Variants in UTRN observed in about 807,000 individuals in gnomAD.
The protein encoded by UTRN is dystrophin-related protein 1.
A neutral mutation model predicts 463.9 loss-of-function variants in UTRN; 283 were observed. The ratio of observed to expected loss-of-function variants is 0.61; its 90% CI spans 0.55 to 0.67. The LOEUF (loss-of-function observed/expected upper bound fraction) is 0.67, where lower values mean the gene tolerates loss of function less well. UTRN is among the 30% of genes least tolerant of loss of function. UTRN has a pLI of 0.00. For synonymous variants in UTRN, 1,442 were observed against 1,431.5 expected (o/e 1.01, Z -0.17); for missense variants, 3,922 against 4,084.3 (o/e 0.96, Z 1.08).
rs771919027 is a variant in UTRN, at chr6:144,493,363, A to G, written c.4500A>G (p.Arg1500=). ...LEVETVIKTG[R]HIVQKQQTDN... ...TGGAAACTGTGATTAAAACAGGAAG[A>G]CATATTGTCCAGAAACAGCAAACGG... is the stretch of plus-strand genomic sequence containing the variant. Residue 1500 remains arginine, a synonymous_variant, in exon 33 of 75, where the codon AGA becomes AGG. Transcript: ENST00000367545. The G allele has an allele frequency of 1.9e-6, 3 of 1,614,086 alleles. No individual in the cohort carries two copies. The highest frequency in any genetic ancestry group is 1.3e-5 in the African/African-American group (1 of 74,952).
intron 12 of UTRN, 133 bp from the exon 13 acceptor site, chr6:144,440,219 A>G (rs1787011375): frequency 1.2e-6 from 1 of 859,118 alleles, no homozygotes; most frequent in Non-Finnish European, 1.8e-6. Context: ...TTAGTAGAAC[A>G]GTTAGGGTAA....
intron 46 of UTRN, among the ~76,000 whole-genome samples, chr6:144,546,791 A>G (rs570698000): frequency 1.4e-4 from 21 of 152,198 alleles, no homozygotes; most frequent in African/African-American, 4.8e-4. Context: ...CCTGGGTGAC[A>G]GAGTGAGCCC....
chr6:144,426,663 C>T (rs954242326), intron 7 of UTRN, among the ~76,000 whole-genome samples: 1 of 152,130 alleles, frequency 6.6e-6, no homozygotes, highest in Non-Finnish European at 1.5e-5. Flanking sequence ...TTAAATGCTG[C>T]AATACAAGGT....
intron 2 of UTRN, among the ~76,000 whole-genome samples, chr6:144,299,949 C>T (rs1448461391): frequency 2.0e-5 from 3 of 151,888 alleles, no homozygotes; most frequent in African/African-American, 2.4e-5. Flanking sequence ...AAATAATTTG[C>T]CTACCATTCT....
chr6:144,496,760 C>T (rs1793685877), intron 33 of UTRN, among the ~76,000 whole-genome samples: 1 of 152,118 alleles, frequency 6.6e-6, no homozygotes, highest in Non-Finnish European at 1.5e-5. Context: ...GTACATGGTT[C>T]TTTAAGAGTA....
At chr6:144,709,192 C>T (rs1785403036) in intron 53 of UTRN, among the ~76,000 whole-genome samples, 1 of 152,132 alleles carries the variant, frequency 6.6e-6, no homozygotes, top group South Asian at 2.1e-4. Flanking sequence ...CCATTTATTT[C>T]CAATCTCTTC....
chr6:144,386,073 G>C (rs926606338), intron 2 of UTRN, among the ~76,000 whole-genome samples: 3 of 152,088 alleles, frequency 2.0e-5, no homozygotes, highest in African/African-American at 7.2e-5. Context: ...AAAGTGAGTG[G>C]CCTGTAAATG....
intron 2 of UTRN, among the ~76,000 whole-genome samples, chr6:144,383,097 A>T (rs111427451): frequency 6.7e-6 from 1 of 149,644 alleles, no homozygotes. Context: ...ACACCCAGCT[A>T]ATTTTTGTAC....
At position 144,426,385 on chromosome 6, in the gene UTRN, C is replaced by T. The variant is rs1465503216; in HGVS notation, c.504C>T (p.Ser168=). 5 of 1,614,182 alleles carry T rather than the reference C, an allele frequency of 3.1e-6. No individual in the cohort carries two copies. The highest frequency in any genetic ancestry group is 4.2e-6 in the Non-Finnish European group (5 of 1,180,022). The change falls in exon 7 of 75, where the codon AGC becomes AGT. Residue 168 remains serine (S), a synonymous_variant. Transcript: ENST00000367545. ...TGCGTCAGACCACCAGGCCCTACAG[C>T]CAAGTCAACGTCCTCAACTTCACCA... ...SWVRQTTRPY[S]QVNVLNFTTS...
intron 63 of UTRN, among the ~76,000 whole-genome samples, chr6:144,796,189 T>C (rs1481353710): frequency 1.3e-5 from 2 of 152,200 alleles, no homozygotes; most frequent in Non-Finnish European, 2.9e-5. Flanking sequence ...CCATTGCGTG[T>C]TTTTGTCAGG....
In UTRN at chr6:144,629,337, C is replaced by T. The variant is rs576615271; in HGVS notation, c.7480-49069C>T. Among the ~76,000 whole-genome samples the T allele has an allele frequency of 3.9e-5, 6 of 152,242 alleles. No homozygotes were observed. In the South Asian group the frequency reaches 1.0e-3, roughly 26 times the overall value. ...CACCGCCCTTGCAAGAGGCAGCCACCGATGCCAGTTTCTTGTGTGCTCTTC... is the reference window on the plus strand; with the variant it reads ...CACCGCCCTTGCAAGAGGCAGCCACTGATGCCAGTTTCTTGTGTGCTCTTC... On this transcript the variant is annotated intron_variant, in intron 51 of 74. Transcript: ENST00000367545.
intron 9 of UTRN, among the ~76,000 whole-genome samples, chr6:144,431,920 C>T (rs1178691932): frequency 6.6e-6 from 1 of 152,120 alleles, no homozygotes; most frequent in African/African-American, 2.4e-5. Flanking sequence ...ATTCTTCAAG[C>T]CTTCCTCCAA....
At chr6:144,557,409 C>A in intron 50 of UTRN, 98 bp downstream of exon 50, 6 of 1,253,696 alleles carry the variant, frequency 4.8e-6, no homozygotes, top group Non-Finnish European at 6.5e-6. Context: ...GTGGCTACTA[C>A]AAGTACATTT....
chr6:144,548,990 T>C (rs1003542980), intron 47 of UTRN, 136 bp downstream of exon 47: 4 of 835,858 alleles, frequency 4.8e-6, no homozygotes, highest in Non-Finnish European at 7.4e-6. Flanking sequence ...CAAACAACCA[T>C]TCAGGGCTAA....
intron 54 of UTRN, among the ~76,000 whole-genome samples, chr6:144,735,625 T>C (rs1322832846): frequency 6.6e-6 from 1 of 152,180 alleles, no homozygotes; most frequent in East Asian, 1.9e-4. Context: ...TCTCATCTTA[T>C]CCAATTTAAA....
At chr6:144,482,431 T>C (rs1427360948) in intron 27 of UTRN, 43 bp downstream of exon 27, 1 of 1,155,540 alleles carries the variant, frequency 8.7e-7, no homozygotes, top group African/African-American at 1.7e-5. Flanking sequence ...TTATTATTAT[T>C]ATTATTATTA....
At chr6:144,608,980 G>A (rs1805180733) in intron 51 of UTRN, among the ~76,000 whole-genome samples, 1 of 152,122 alleles carries the variant, frequency 6.6e-6, no homozygotes, top group African/African-American at 2.4e-5. Context: ...AGGAAACAAA[G>A]GATCTAAATT....
Position 144,835,809 on chromosome 6 carries a change from A to AT in UTRN, c.9697dup (p.Cys3233LeufsTer37), listed in dbSNP as rs1315922886. On this transcript the variant is annotated frameshift_variant, in exon 70 of 75. Coordinates refer to ENST00000367545, the MANE Select transcript of UTRN (RefSeq NM_007124.3). LOFTEE classifies it high-confidence loss of function. ...GACGAGCACGCCCTCATCCAGCAGTATTGCCAAACACTCGGAGGAGAGTCC... is the reference window on the plus strand; with the variant it reads ...GACGAGCACGCCCTCATCCAGCAGTATTTGCCAAACACTCGGAGGAGAGTCC... 1 of 1,614,078 alleles carries AT rather than the reference A, an allele frequency of 6.2e-7. No individual in the cohort carries two copies. The highest frequency in any genetic ancestry group is 8.5e-7 in the Non-Finnish European group (1 of 1,179,968).
Position 144,645,552 on chromosome 6 carries a change from A to G in UTRN, c.7480-32854A>G, listed in dbSNP as rs554554320. Among the ~76,000 whole-genome samples, 26 of 152,352 alleles carry G rather than the reference A, an allele frequency of 1.7e-4. 1 individual carries two copies. The highest frequency in any genetic ancestry group is 1.4e-3 in the Admixed American group (21 of 15,300). ...ACTTTGCAAAATTGACAAGGTGGCA[A>G]ACATACAGGTGATGTTAGTTTTTTG... On this transcript the variant is annotated intron_variant, in intron 51 of 74. Coordinates refer to ENST00000367545, the MANE Select transcript of UTRN (RefSeq NM_007124.3).
Sources: gnomAD v4.1 joint callset for allele counts (sites outside exome capture counted in the v4.1 genomes callset) on GRCh38, gnomAD v4.1.1 for gene constraint, MANE v1.5 for transcripts, NCBI Gene and HGNC (gene_info 2026-07-23, HGNC 2026-07-21) for gene names.